The following KY variants were observed in gnomAD, a reference collection of about 807,000 sequenced individuals.
KY encodes kyphoscoliosis peptidase.
Under a neutral mutation model 76.1 loss-of-function variants are expected in KY, and 43 were observed. The ratio of observed to expected loss-of-function variants is 0.57; its 90% CI spans 0.44 to 0.73. The LOEUF (loss-of-function observed/expected upper bound fraction) is 0.73, where lower values mean the gene tolerates loss of function less well. KY is among the 30% of genes least tolerant of loss of function. KY has a pLI of 0.00. For synonymous variants in KY, 277 were observed against 326.2 expected (o/e 0.85, Z 1.63); for missense variants, 722 against 828.9 (o/e 0.87, Z 1.58).
intron 3 of KY, among the ~76,000 whole-genome samples, chr3:134,635,642 G>T (rs2107948960): frequency 6.6e-6 from 1 of 152,190 alleles, no homozygotes; most frequent in South Asian, 2.1e-4. Context: ...ATATTCTGAT[G>T]ATGGTAACCA....
chr3:134,626,992 C>A (rs1306623544), intron 5 of KY, among the ~76,000 whole-genome samples: 2 of 152,220 alleles, frequency 1.3e-5, no homozygotes, highest in African/African-American at 4.8e-5. Context: ...GATTTCCACT[C>A]AGTATAGCTC....
chr3:134,638,315 A>G (rs980137560), intron 3 of KY, among the ~76,000 whole-genome samples: 9 of 152,352 alleles, frequency 5.9e-5, no homozygotes, highest in Middle Eastern at 3.4e-3. Context: ...AAAAAATATT[A>G]GTGTGGCCAA....
chr3:134,619,218 G>A lies in KY; in HGVS notation c.640C>T (p.Pro214Ser), dbSNP rs377043411. 49 of 1,614,008 alleles carry A rather than the reference G, an allele frequency of 3.0e-5. No individual in the cohort carries two copies. The African/African-American group carries it at 6.5e-4, about 22-fold the overall frequency. ...TTCTGGGTCCGCAGGATGTCAGTGG[G>A]TTTGAAGGCTTGGCGGTCCTTCTCC... ...AQEKDRQAFKPTDILRTQKTN... is the reference protein window; with the variant it reads ...AQEKDRQAFKSTDILRTQKTN... The change falls in exon 8 of 11, where the codon CCC becomes TCC. Residue 214 changes from proline (P) to serine (S), a missense_variant. By Grantham distance (74) the Pro-to-Ser change is moderately conservative. Transcript: ENST00000423778.
At chr3:134,614,547 A>C (rs1167010430) in intron 8 of KY, among the ~76,000 whole-genome samples, 1 of 151,862 alleles carries the variant, frequency 6.6e-6, no homozygotes, top group Non-Finnish European at 1.5e-5. Flanking sequence ...TGGCCACCAA[A>C]TGTGGCCTGA....
intron 3 of KY, among the ~76,000 whole-genome samples, chr3:134,642,344 C>T (rs1367463036): frequency 6.6e-6 from 1 of 152,190 alleles, no homozygotes; most frequent in Non-Finnish European, 1.5e-5. Context: ...TAGGTTAGGA[C>T]ATCAACTCTC....
intron 8 of KY, among the ~76,000 whole-genome samples, chr3:134,611,868 G>A (rs1366604209): frequency 2.6e-5 from 4 of 152,226 alleles, no homozygotes; most frequent in Non-Finnish European, 5.9e-5. Flanking sequence ...TATAGGAATT[G>A]GGGGAATCTT....
intron 5 of KY, among the ~76,000 whole-genome samples, chr3:134,627,249 A>G (rs1432819594): frequency 6.6e-6 from 1 of 152,238 alleles, no homozygotes; most frequent in Non-Finnish European, 1.5e-5. Flanking sequence ...ATTTTAAAGC[A>G]AAACAATAGG....
Position 134,608,738 on chromosome 3 carries a change from C to T in KY, c.1001G>A (p.Arg334Lys). 1 of 1,614,042 alleles carries T rather than the reference C, an allele frequency of 6.2e-7. No individual in the cohort carries two copies. The highest frequency in any genetic ancestry group is 8.5e-7 in the Non-Finnish European group (1 of 1,179,908). ...GTGATACATGTTGTTCTCAAACTGCCTCAGAGATTGAGGAGGTTTTAGCAG... is the reference window on the plus strand; with the variant it reads ...GTGATACATGTTGTTCTCAAACTGCTTCAGAGATTGAGGAGGTTTTAGCAG... The part of the protein sequence containing the change: ...WQLLKPPQSL[R>K]QFENNMYHKS... Residue 334 changes from arginine to lysine, a missense_variant, in exon 10 of 11, where the codon AGG (arginine) becomes AAG (lysine). Physicochemically the swap from Arg to Lys is conservative, Grantham distance 26. Around this residue, in one of 2 missense-constraint regions of KY, gnomAD observed 552 missense variants for 680.9 expected, o/e 0.81. Transcript: ENST00000423778.
intron 5 of KY, among the ~76,000 whole-genome samples, chr3:134,626,585 C>A (rs1963482836): frequency 6.6e-6 from 1 of 152,180 alleles, no homozygotes; most frequent in South Asian, 2.1e-4. Context: ...GTCAGGGCTG[C>A]CACTGTCAGT....
chr3:134,635,229 G>T (rs1344635389), intron 3 of KY, among the ~76,000 whole-genome samples: 5 of 152,192 alleles, frequency 3.3e-5, no homozygotes, highest in Admixed American at 3.3e-4. Flanking sequence ...GGGCATGATG[G>T]CTCATGCCTG....
chr3:134,619,275 A>G lies in KY; in HGVS notation c.593-10T>C. The G allele has an allele frequency of 1.2e-6, 2 of 1,601,014 alleles. No homozygotes were observed. Among genetic ancestry groups the G allele is most frequent in the Non-Finnish European group, 1.7e-6 (2 of 1,168,058 alleles). Reference sequence around the variant, plus strand: ...GCTGCAATGTCATACTCTATAGGGCAGGTGAGGGGATCATGAAGAGCTTGA... The same window carrying G: ...GCTGCAATGTCATACTCTATAGGGCGGGTGAGGGGATCATGAAGAGCTTGA... On this transcript the variant is annotated splice_polypyrimidine_tract_variant and intron_variant, in intron 7 of 10. Coordinates refer to ENST00000423778, the MANE Select transcript of KY (RefSeq NM_178554.6).
chr3:134,625,163 A>T (rs1963262697), intron 5 of KY, 28 bp from the exon 6 acceptor site: 1 of 1,565,790 alleles, frequency 6.4e-7, no homozygotes, highest in Admixed American at 1.9e-5. Context: ...CTTGGTCAGC[A>T]GCTGAGACCC....
intron 3 of KY, among the ~76,000 whole-genome samples, chr3:134,635,972 T>C (rs1005624639): frequency 6.6e-6 from 1 of 152,232 alleles, no homozygotes; most frequent in Non-Finnish European, 1.5e-5. Context: ...TCATTTCAAA[T>C]GGCTACATAG....
chr3:134,649,264 G>A (rs764055120), intron 1 of KY, among the ~76,000 whole-genome samples: 11 of 152,176 alleles, frequency 7.2e-5, no homozygotes, highest in Non-Finnish European at 1.5e-4. Context: ...GTGCATACAT[G>A]AGTCTGGAGC....
At chr3:134,624,976 C>T in intron 6 of KY, 77 bp downstream of exon 6, 1 of 1,258,358 alleles carries the variant, frequency 7.9e-7, no homozygotes, top group Non-Finnish European at 1.1e-6. Context: ...CAGGAGGTGT[C>T]TGGGGAGAGG....
chr3:134,632,758 A>C, intron 3 of KY, among the ~76,000 whole-genome samples: 1 of 151,980 alleles, frequency 6.6e-6, no homozygotes, highest in East Asian at 1.9e-4. Flanking sequence ...AAATAAGAGA[A>C]TAAATCACTG....
chr3:134,603,559 G>A lies in KY; in HGVS notation c.*20C>T. ...GGTCTGGCCTTGGCCCTTTGGGAGGGTAAGACCGGGGCACAGCCCTCACTG... is the reference window on the plus strand; with the variant it reads ...GGTCTGGCCTTGGCCCTTTGGGAGGATAAGACCGGGGCACAGCCCTCACTG... On this transcript the variant is annotated 3_prime_UTR_variant, in exon 11 of 11. Coordinates refer to ENST00000423778, the MANE Select transcript of KY (RefSeq NM_178554.6). The A allele has an allele frequency of 6.4e-7, 1 of 1,552,954 alleles. No individual in the cohort carries two copies. The highest frequency in any genetic ancestry group is 8.7e-7 in the Non-Finnish European group (1 of 1,145,668).
At chr3:134,616,869 G>A (rs879514832) in intron 8 of KY, among the ~76,000 whole-genome samples, 1 of 152,160 alleles carries the variant, frequency 6.6e-6, no homozygotes, top group Non-Finnish European at 1.5e-5. Context: ...AAATCGGGTT[G>A]GTAACCCCCA....
rs998105128 is a variant in KY at position 134,600,307 on chromosome 3, T to C, written c.*3272A>G. 6.6e-6 allele frequency among the ~76,000 whole-genome samples: 1 copy of C among 152,244 alleles called. No individual in the cohort carries two copies. The highest frequency in any genetic ancestry group is 2.4e-5 in the African/African-American group (1 of 41,466). The stretch of plus-strand genomic sequence containing the variant: ...AAACTTTTCTCCTTTTCAAGTCCTT[T>C]GAGAAGAGGATTTCACAAACTTTCT... On this transcript the variant is annotated 3_prime_UTR_variant, in exon 11 of 11. Transcript: ENST00000423778.
Sources: allele counts gnomAD v4.1 joint callset (sites outside exome capture counted in the v4.1 genomes callset), GRCh38; gene constraint gnomAD v4.1.1; regional missense constraint gnomAD v4.1.1; transcripts MANE v1.5; gene names NCBI Gene and HGNC (gene_info 2026-07-23, HGNC 2026-07-21).